Variants in COCH observed in about 807,000 individuals in gnomAD.
COCH encodes the protein cochlin.
COCH carries 40 observed loss-of-function variants against 54.8 expected under a neutral mutation model. The observed-to-expected ratio is 0.73, with a 90% CI of 0.57 to 0.95. The LOEUF (loss-of-function observed/expected upper bound fraction) is 0.95, where lower values mean the gene tolerates loss of function less well. Among genes scored for constraint, COCH ranks in the 40% least tolerant of loss-of-function variants. The probability of loss-of-function intolerance (pLI) is 0.00; values close to 1 mark genes in which losing one functional copy is unlikely to be tolerated. For missense variants in COCH, 605 were observed against 675.0 expected, an observed-to-expected ratio of 0.90 and a Z score of 1.15; for synonymous variants, 256 against 237.9, an observed-to-expected ratio of 1.08 and a Z score of -0.70.
chr14:30,880,887 A>C (rs898619376), intron 8 of COCH, among the ~76,000 whole-genome samples, 153 bp downstream of exon 8: 2 of 152,218 alleles, frequency 1.3e-5, no homozygotes, highest in African/African-American at 4.8e-5. Flanking sequence ...CATCACCTCA[A>C]ACATTGATCA....
chr14:30,882,178 G>T (rs1297188869), intron 8 of COCH, among the ~76,000 whole-genome samples: 9 of 118,550 alleles, frequency 7.6e-5, no homozygotes, highest in African/African-American at 3.0e-4. Context: ...CACCGAGGCT[G>T]GAATGCAATG....
intron 9 of COCH, chr14:30,884,916 C>T: frequency 6.3e-7 from 1 of 1,596,332 alleles, no homozygotes; most frequent in Non-Finnish European, 8.5e-7. Context: ...CTAGATATAA[C>T]ATTGGAGAAG....
rs768748828 is a variant in COCH at position 30,884,908 on chromosome 14, A to G, written c.733+252A>G. 12 of 1,594,998 alleles carry G rather than the reference A, an allele frequency of 7.5e-6. No individual in the cohort carries two copies. In the African/African-American group the frequency reaches 1.2e-4, roughly 16 times the overall value. On this transcript the variant is annotated intron_variant, in intron 9 of 11. Transcript: ENST00000396618. ...AGAATTCTCATACATTGGATTGACT[A>G]GATATAACATTGGAGAAGTATCTCT... is the stretch of plus-strand genomic sequence containing the variant.
Position 30,890,327 on chromosome 14 carries a change from C to T in COCH, c.*536C>T. 3 of 985,554 alleles carry T rather than the reference C, an allele frequency of 3.0e-6. No homozygotes were observed. The highest frequency in any genetic ancestry group is 3.6e-6 in the Non-Finnish European group (3 of 830,082). The allele number at this position is 985,554 out of a possible 1,614,324, so 61.1% of individuals were successfully genotyped here. On this transcript the variant is annotated 3_prime_UTR_variant, in exon 12 of 12. Coordinates refer to ENST00000396618, the MANE Select transcript of COCH (RefSeq NM_004086.3). ...ATAAAATCTGGATATAGAAAGGAGA[C>T]CTGTATCAAACTGCTTTTGTAGTGT...
intron 8 of COCH, among the ~76,000 whole-genome samples, chr14:30,882,120 G>GTTTTTTTTTTTTTGTTTTTTTT (rs1895619344): frequency 2.9e-5 from 2 of 67,892 alleles, no homozygotes; most frequent in African/African-American, 1.3e-4. Context: ...CTATAAAATG[G>GTTTTTTTTTTTTTGTTTTTTTT]TTTTTTTTTT....
chr14:30,887,409 A>G (rs532644312), intron 11 of COCH, among the ~76,000 whole-genome samples: 1 of 151,760 alleles, frequency 6.6e-6, no homozygotes, highest in Non-Finnish European at 1.5e-5. Context: ...GAAAAAAAAA[A>G]AAAAAAAAAA....
At chr14:30,894,889 TTTTC>T (rs1237770775), downstream of COCH, 7 of 916,686 alleles carry the variant, frequency 7.6e-6, no homozygotes, top group Admixed American at 4.6e-5. Context: ...TAAATTTTCT[TTTTC>T]TTTTTTTTTT....
At chr14:30,875,400 G>C (rs1895321230) in intron 3 of COCH, 2 of 596,568 alleles carry the variant, frequency 3.4e-6, no homozygotes, top group African/African-American at 1.9e-5. Flanking sequence ...GGCCCGCTGA[G>C]CGCCGGCAGC....
At chr14:30,880,830 T>G (rs1299089330) in intron 8 of COCH, 96 bp downstream of exon 8, 1 of 893,002 alleles carries the variant, frequency 1.1e-6, no homozygotes, top group Non-Finnish European at 1.8e-6. Flanking sequence ...TAGTGATGTT[T>G]TCATACATAC....
At chr14:30,895,234 A>T, downstream of COCH, 1 of 655,192 alleles carries the variant, frequency 1.5e-6, no homozygotes, top group Non-Finnish European at 2.5e-6. Context: ...TACAGTAATT[A>T]CAGTTAACTT....
chr14:30,882,119 GGTT>G (rs1895616439), intron 8 of COCH, among the ~76,000 whole-genome samples: 1 of 84,874 alleles, frequency 1.2e-5, no homozygotes, highest in Admixed American at 1.1e-4. Flanking sequence ...ACTATAAAAT[GGTT>G]TTTTTTTTTT....
At chr14:30,895,592 C>A (rs202086970), downstream of COCH, 10 of 1,609,938 alleles carry the variant, frequency 6.2e-6, no homozygotes, top group Admixed American at 1.5e-4. Context: ...TGTAAAAGAA[C>A]AAATAAAATT....
downstream of COCH, chr14:30,890,669 A>C (rs1895951406): frequency 1.5e-6 from 1 of 677,198 alleles, no homozygotes; most frequent in Non-Finnish European, 1.8e-6. Context: ...TATGGTAAAA[A>C]TTCATGTGGA....
chr14:30,885,762 C>T (rs1485550155), intron 10 of COCH, 34 bp from the exon 11 acceptor site: 3 of 1,612,126 alleles, frequency 1.9e-6, no homozygotes, highest in Non-Finnish European at 2.5e-6. Context: ...ACTTTTGATC[C>T]TTTTGGATAT....
Position 30,885,815 on chromosome 14 carries a change from GCTT to G in COCH, c.986_988del (p.Phe329del). ...CATTAGGCTGTCTGTCGGAATAATG[GCTT>G]CTTCTCTTACCACATGCCCAACTGG... On this transcript the variant is annotated inframe_deletion, in exon 11 of 12. Transcript: ENST00000396618. The G allele has an allele frequency of 1.9e-6, 3 of 1,614,008 alleles. No homozygotes were observed. Among genetic ancestry groups the G allele is most frequent in the South Asian group, 2.2e-5 (2 of 91,082 alleles).
At chr14:30,875,801 C>A (rs1399900882) in intron 3 of COCH, 1 of 152,968 alleles carries the variant, frequency 6.5e-6, no homozygotes, top group Non-Finnish European at 1.5e-5. Context: ...TTCTCCCGCT[C>A]TACTTAACAA....
intron 3 of COCH, 99 bp downstream of exon 3, chr14:30,875,202 C>A: frequency 6.8e-7 from 1 of 1,467,640 alleles, no homozygotes; most frequent in Non-Finnish European, 9.2e-7. Flanking sequence ...TTCAGCCCTA[C>A]CGCCTGAGGA....
chr14:30,874,660 G>A, intron 1 of COCH, 69 bp downstream of exon 1: 1 of 578,142 alleles, frequency 1.7e-6, no homozygotes, highest in Non-Finnish European at 3.1e-6. Flanking sequence ...TTTCTTTGTC[G>A]CTCCCAGCCT....
At chr14:30,878,984 A>AC (rs757721544) in intron 5 of COCH, 40 bp downstream of exon 5, 18 of 1,610,740 alleles carry the variant, frequency 1.1e-5, no homozygotes, top group African/African-American at 2.7e-5. Context: ...ATATTCTCCC[A>AC]CCCCCCAAAC....
Sources: allele counts gnomAD v4.1 joint callset (sites outside exome capture counted in the v4.1 genomes callset), GRCh38; gene constraint gnomAD v4.1.1; transcripts MANE v1.5; gene names NCBI Gene and HGNC (gene_info 2026-07-23, HGNC 2026-07-21).